Variants in CHST11 observed in about 807,000 individuals in gnomAD.
CHST11 encodes the protein carbohydrate sulfotransferase 11.
Under a neutral mutation model 30.4 loss-of-function variants are expected in CHST11, and 9 were observed. The observed-to-expected ratio is 0.30, with a 90% CI of 0.18 to 0.52. The LOEUF (loss-of-function observed/expected upper bound fraction) is 0.52, where lower values mean the gene tolerates loss of function less well. Among genes scored for constraint, CHST11 ranks in the 20% least tolerant of loss-of-function variants. The probability of loss-of-function intolerance (pLI) is 0.97; values close to 1 mark genes in which losing one functional copy is unlikely to be tolerated. For synonymous variants in CHST11, 152 were observed against 187.8 expected, an observed-to-expected ratio of 0.81 and a Z score of 1.56; for missense variants, 348 against 460.6, an observed-to-expected ratio of 0.76 and a Z score of 2.24.
chr12:104,696,804 A>G (rs2136110835), intron 2 of CHST11, among the ~76,000 whole-genome samples: 1 of 152,140 alleles, frequency 6.6e-6, no homozygotes, highest in African/African-American at 2.4e-5. Flanking sequence ...TTATACTGTG[A>G]CTCCTATATC....
chr12:104,500,740 C>T (rs2037845579), intron 1 of CHST11, among the ~76,000 whole-genome samples: 1 of 152,172 alleles, frequency 6.6e-6, no homozygotes, highest in Non-Finnish European at 1.5e-5. Context: ...CCAAAGTGGT[C>T]AGTTTTTGAC....
intron 2 of CHST11, among the ~76,000 whole-genome samples, chr12:104,707,586 C>G (rs1422896232): frequency 6.6e-6 from 1 of 152,126 alleles, no homozygotes; most frequent in African/African-American, 2.4e-5. Flanking sequence ...GACTGTAAAC[C>G]TAGTCGCATA....
At chr12:104,566,894 C>A (rs929565965) in intron 1 of CHST11, among the ~76,000 whole-genome samples, 1 of 151,736 alleles carries the variant, frequency 6.6e-6, no homozygotes. Flanking sequence ...AAAATATATA[C>A]TTTTATAGTT....
intron 2 of CHST11, among the ~76,000 whole-genome samples, chr12:104,711,055 T>C (rs940495722): frequency 1.3e-5 from 2 of 152,228 alleles, no homozygotes; most frequent in African/African-American, 4.8e-5. Flanking sequence ...TTTAACATCC[T>C]GTTGCAATTA....
chr12:104,527,099 A>G (rs75614772), intron 1 of CHST11, among the ~76,000 whole-genome samples: 6,067 of 152,274 alleles, frequency 0.04, 424 homozygotes, highest in African/African-American at 0.14. Flanking sequence ...CTAACCCCCA[A>G]TGCCTCAGAA....
At chr12:104,749,139 G>A (rs917194628) in intron 2 of CHST11, among the ~76,000 whole-genome samples, 2 of 152,164 alleles carry the variant, frequency 1.3e-5, no homozygotes, top group Non-Finnish European at 2.9e-5. Flanking sequence ...GAAGTGAATC[G>A]TGGCATTATT....
intron 1 of CHST11, among the ~76,000 whole-genome samples, chr12:104,575,169 A>T (rs528710560): frequency 6.6e-6 from 1 of 151,776 alleles, no homozygotes; most frequent in Admixed American, 6.6e-5. Flanking sequence ...CCCCAGCCTG[A>T]GTTACAGAGT....
chr12:104,589,733 C>G (rs2038839377), intron 1 of CHST11, among the ~76,000 whole-genome samples: 1 of 152,122 alleles, frequency 6.6e-6, no homozygotes, highest in Non-Finnish European at 1.5e-5. Flanking sequence ...GGCCTCAAAT[C>G]CTTTTCTGGG....
At chr12:104,457,965 C>G (rs2037370862) in intron 1 of CHST11, among the ~76,000 whole-genome samples, 1 of 151,858 alleles carries the variant, frequency 6.6e-6, no homozygotes, top group African/African-American at 2.4e-5. Context: ...TACCCGGAGC[C>G]GGCTGCTCTG....
At chr12:104,638,143 G>GGAGGA (rs1328314980) in intron 2 of CHST11, among the ~76,000 whole-genome samples, 2 of 152,122 alleles carry the variant, frequency 1.3e-5, no homozygotes, top group Non-Finnish European at 2.9e-5. Context: ...CAGGGGAAAA[G>GGAGGA]GAGGAGGAGA....
intron 1 of CHST11, among the ~76,000 whole-genome samples, chr12:104,495,882 C>A (rs1168816460): frequency 1.3e-5 from 2 of 152,208 alleles, no homozygotes; most frequent in African/African-American, 4.8e-5. Flanking sequence ...TTCACATCTT[C>A]AGCTGACCCA....
At chr12:104,632,152 C>T (rs1348532246) in intron 2 of CHST11, among the ~76,000 whole-genome samples, 2 of 152,098 alleles carry the variant, frequency 1.3e-5, no homozygotes, top group Non-Finnish European at 2.9e-5. Context: ...CCTGGGAACA[C>T]GAGACCTCCT....
At chr12:104,642,345 C>A (rs1188209323) in intron 2 of CHST11, among the ~76,000 whole-genome samples, 1 of 152,114 alleles carries the variant, frequency 6.6e-6, no homozygotes, top group African/African-American at 2.4e-5. Flanking sequence ...AGAATTGTAT[C>A]ATTGTAAAGA....
chr12:104,718,640 C>G (rs938701760), intron 2 of CHST11, among the ~76,000 whole-genome samples: 18 of 152,300 alleles, frequency 1.2e-4, no homozygotes, highest in East Asian at 1.2e-3. Flanking sequence ...CCCAGGCCCC[C>G]CATAGAGGTA....
At chr12:104,465,468 T>G (rs2135950714) in intron 1 of CHST11, among the ~76,000 whole-genome samples, 1 of 152,348 alleles carries the variant, frequency 6.6e-6, no homozygotes, top group African/African-American at 2.4e-5. Context: ...TGGATTTTTG[T>G]TTCTTTCAAG....
intron 2 of CHST11, among the ~76,000 whole-genome samples, chr12:104,744,886 T>C (rs974984610): frequency 7.4e-6 from 1 of 135,348 alleles, no homozygotes; most frequent in African/African-American, 2.8e-5. Flanking sequence ...TATTTATTTA[T>C]TTTTTGAGAC....
intron 2 of CHST11, among the ~76,000 whole-genome samples, chr12:104,637,302 TAAAAAAAAAAAA>T (rs10622882): frequency 0.017 from 1,094 of 62,596 alleles, 130 homozygotes; most frequent in East Asian, 0.097. Context: ...TGAGACCCTG[TAAAAAAAAAAAA>T]AAAAAAAAAA....
At chr12:104,624,216 T>G (rs149262858) in intron 2 of CHST11, among the ~76,000 whole-genome samples, 74 of 152,254 alleles carry the variant, frequency 4.9e-4, no homozygotes, top group African/African-American at 1.7e-3. Context: ...AACCTCAATT[T>G]TGAGGTCTGA....
At chr12:104,580,645 T>C (rs1193644276) in intron 1 of CHST11, among the ~76,000 whole-genome samples, 1 of 152,252 alleles carries the variant, frequency 6.6e-6, no homozygotes, top group African/African-American at 2.4e-5. Context: ...TTTTTCTCTC[T>C]ACTTGTTGTA....
Sources: allele counts gnomAD v4.1 joint callset (sites outside exome capture counted in the v4.1 genomes callset), GRCh38; gene constraint gnomAD v4.1.1; transcripts MANE v1.5; gene names NCBI Gene and HGNC (gene_info 2026-07-23, HGNC 2026-07-21).